GLG1: variants seen among roughly 807,000 people sequenced by gnomAD.
The protein encoded by GLG1 is Golgi apparatus protein 1.
GLG1 carries 38 observed loss-of-function variants against 160.5 expected under a neutral mutation model. That is an observed-to-expected ratio of 0.24 (90% CI 0.18 to 0.31). The LOEUF (loss-of-function observed/expected upper bound fraction) is 0.31, where lower values mean the gene tolerates loss of function less well. Among genes scored for constraint, GLG1 ranks in the 10% least tolerant of loss-of-function variants. GLG1 has a pLI of 1.00. For synonymous variants in GLG1, 644 were observed against 543.4 expected, an observed-to-expected ratio of 1.19 and a Z score of -2.57; for missense variants, 1,373 against 1,505.2, an observed-to-expected ratio of 0.91 and a Z score of 1.45.
At chr16:74,474,418 T>C (rs987089934) in intron 13 of GLG1, 128 bp downstream of exon 13, 15 of 659,680 alleles carry the variant, frequency 2.3e-5, no homozygotes, top group Non-Finnish European at 3.8e-5. Context: ...CATGGAAAAT[T>C]TGATCAGGTT....
At chr16:74,563,010 G>C (rs911258373) in intron 1 of GLG1, 4 of 152,206 alleles carry the variant, frequency 2.6e-5, no homozygotes, top group Admixed American at 6.5e-5. Context: ...TAACCAGTTA[G>C]AAAAGGTTTT....
intron 7 of GLG1, among the ~76,000 whole-genome samples, chr16:74,492,387 C>A (rs1162136134): frequency 1.4e-5 from 2 of 144,164 alleles, no homozygotes; most frequent in Non-Finnish European, 1.5e-5. Context: ...AAAGAAAAGA[C>A]AAGAAAACTA....
chr16:74,577,949 G>A (rs897922549), intron 1 of GLG1, among the ~76,000 whole-genome samples: 2 of 151,908 alleles, frequency 1.3e-5, no homozygotes, highest in Admixed American at 6.6e-5. Flanking sequence ...AAGGTAGGAG[G>A]ATTACTTGAG....
intron 6 of GLG1, among the ~76,000 whole-genome samples, chr16:74,493,544 T>C (rs1350568403): frequency 1.3e-5 from 2 of 152,228 alleles, no homozygotes; most frequent in Non-Finnish European, 2.9e-5. Context: ...TGCTTTAAAA[T>C]ACAATTATTC....
Position 74,471,179 on chromosome 16 carries a change from G to C in GLG1, c.2223C>G (p.Phe741Leu), listed in dbSNP as rs1459228189. ...GCAGCCAGGTGTCACTGACCAGCTG[G>C]AAGTGGGTAACTCCGATGGCACACT... ...NEKCAIGVTH[F>L]QLVQMKDFRF... is the part of the protein sequence containing the mutation. The change falls in exon 15 of 26, where the codon TTC becomes TTG. Residue 741 changes from phenylalanine (F) to leucine (L), a missense_variant. Coordinates refer to ENST00000422840, the MANE Select transcript of GLG1 (RefSeq NM_001145667.2). 3.8e-6 allele frequency: 6 copies of C among 1,579,720 alleles called. No individual in the cohort carries two copies. The highest frequency in any genetic ancestry group is 5.2e-6 in the Non-Finnish European group (6 of 1,148,650).
intron 2 of GLG1, among the ~76,000 whole-genome samples, chr16:74,523,566 C>T (rs2017240605): frequency 6.6e-6 from 1 of 152,072 alleles, no homozygotes; most frequent in Admixed American, 6.6e-5. Context: ...AACTCATGAG[C>T]ACAACTGCTC....
At chr16:74,469,933 G>A (rs2015136053) in intron 16 of GLG1, 52 bp downstream of exon 16, 1 of 1,141,674 alleles carries the variant, frequency 8.8e-7, no homozygotes, top group African/African-American at 1.5e-5. Context: ...ACTCATTCCG[G>A]AGCTAAGAGG....
chr16:74,485,724 A>G, intron 9 of GLG1, 72 bp downstream of exon 9: 6 of 1,426,598 alleles, frequency 4.2e-6, no homozygotes, highest in Non-Finnish European at 5.8e-6. Context: ...CCCAAAAGTC[A>G]TTTGAAGGAA....
chr16:74,548,164 T>C (rs1173859683), intron 1 of GLG1, among the ~76,000 whole-genome samples: 2 of 152,230 alleles, frequency 1.3e-5, no homozygotes, highest in African/African-American at 4.8e-5. Flanking sequence ...ACGAGCACTT[T>C]AGCTGCTCTG....
intron 1 of GLG1, among the ~76,000 whole-genome samples, chr16:74,567,564 T>C (rs937974585): frequency 1.5e-5 from 2 of 135,750 alleles, no homozygotes; most frequent in East Asian, 2.1e-4. Context: ...CTTTTTTTTT[T>C]TTTTTTTTTT....
In GLG1 at chr16:74,518,197, G is replaced by A. The variant is rs570916722; in HGVS notation, c.472-9272C>T. 7.2e-5 allele frequency among the ~76,000 whole-genome samples: 11 copies of A among 152,148 alleles called. No individual in the cohort carries two copies. In the East Asian group the frequency reaches 1.7e-3, roughly 24 times the overall value. On this transcript the variant is annotated intron_variant, in intron 2 of 25. Coordinates refer to ENST00000422840, the MANE Select transcript of GLG1 (RefSeq NM_001145667.2). ...CTTTCTTCACAGAATTGGTAAAAACGACTTTAAACTTCATATGGAGCCAAA... is the reference window on the plus strand; with the variant it reads ...CTTTCTTCACAGAATTGGTAAAAACAACTTTAAACTTCATATGGAGCCAAA...
intron 3 of GLG1, among the ~76,000 whole-genome samples, chr16:74,504,371 C>G (rs2016522487): frequency 6.6e-6 from 1 of 152,058 alleles, no homozygotes; most frequent in South Asian, 2.1e-4. Context: ...CACTGAAACC[C>G]CTGGCACCCA....
chr16:74,516,468 C>T (rs1383118703), intron 2 of GLG1, among the ~76,000 whole-genome samples: 2 of 152,040 alleles, frequency 1.3e-5, no homozygotes, highest in East Asian at 1.9e-4. Context: ...GGGTACATAA[C>T]GAAATGAAGG....
At chr16:74,552,920 A>T (rs2549026) in intron 1 of GLG1, among the ~76,000 whole-genome samples, 19,325 of 150,166 alleles carry the variant, frequency 0.13, 1,403 homozygotes, top group Non-Finnish European at 0.17. Context: ...TACTTTTTTT[A>T]AAAAAAACTT....
chr16:74,605,602 T>C lies in GLG1; in HGVS notation c.438+1055A>G, dbSNP rs1386523187. 9.2e-5 allele frequency among the ~76,000 whole-genome samples: 14 copies of C among 152,148 alleles called. No individual in the cohort carries two copies. In the East Asian group the frequency reaches 2.7e-3, roughly 29 times the overall value. On this transcript the variant is annotated intron_variant, in intron 1 of 25. Transcript: ENST00000422840. ...CCTTTCTTTCTGTCTCCTGCTTATG[T>C]ATGTCTTTTCCTCTATCTGAATTGC...
intron 1 of GLG1, among the ~76,000 whole-genome samples, chr16:74,558,692 C>CA (rs2018419205): frequency 6.6e-6 from 1 of 152,096 alleles, no homozygotes; most frequent in Non-Finnish European, 1.5e-5. Context: ...TTCTTACCCC[C>CA]AAAGGATGCG....
intron 3 of GLG1, among the ~76,000 whole-genome samples, chr16:74,506,872 T>A: frequency 6.6e-6 from 1 of 152,114 alleles, no homozygotes; most frequent in East Asian, 1.9e-4. Context: ...TCAACATATT[T>A]AAGAATAGGA....
intron 1 of GLG1, among the ~76,000 whole-genome samples, chr16:74,591,072 C>T (rs1298744040): frequency 2.6e-5 from 4 of 152,308 alleles, no homozygotes; most frequent in Admixed American, 6.5e-5. Context: ...GTGGCTCACA[C>T]CTGTAATCCC....
chr16:74,479,458 A>AC (rs1432934190), intron 11 of GLG1, among the ~76,000 whole-genome samples: 1 of 151,924 alleles, frequency 6.6e-6, no homozygotes, highest in Non-Finnish European at 1.5e-5. Flanking sequence ...AAAAAAAAAA[A>AC]AAAACAAATT....
Sources: allele counts gnomAD v4.1 joint callset (sites outside exome capture counted in the v4.1 genomes callset), GRCh38; gene constraint gnomAD v4.1.1; transcripts MANE v1.5; gene names NCBI Gene and HGNC (gene_info 2026-07-23, HGNC 2026-07-21).